MAP2: variants seen among roughly 807,000 people sequenced by gnomAD.
The protein encoded by MAP2 is microtubule associated protein 2.
Under a neutral mutation model 137.6 loss-of-function variants are expected in MAP2, and 14 were observed. That is an observed-to-expected ratio of 0.10 (90% CI 0.07 to 0.16). The LOEUF is 0.16. MAP2 is among the 10% of genes least tolerant of loss of function. The pLI, the probability that MAP2 is intolerant of heterozygous loss-of-function variation, is 1.00. For missense variants in MAP2, 2,088 were observed against 2,191.5 expected, an observed-to-expected ratio of 0.95 and a Z score of 0.94; for synonymous variants, 786 against 782.3, an observed-to-expected ratio of 1.00 and a Z score of -0.08.
intron 1 of MAP2, among the ~76,000 whole-genome samples, chr2:209,503,489 A>G (rs1347964260): frequency 2.6e-5 from 4 of 152,074 alleles, no homozygotes; most frequent in African/African-American, 4.8e-5. Flanking sequence ...GCCAAAGTCA[A>G]TGTCAAGAAG....
chr2:209,444,280 T>C (rs1698521020), intron 1 of MAP2, among the ~76,000 whole-genome samples: 1 of 151,636 alleles, frequency 6.6e-6, no homozygotes, highest in Non-Finnish European at 1.5e-5. Flanking sequence ...TGTGTCTCTC[T>C]AGTTCAGTAT....
At chr2:209,611,279 G>A (rs2086771844) in intron 3 of MAP2, among the ~76,000 whole-genome samples, 1 of 151,994 alleles carries the variant, frequency 6.6e-6, no homozygotes. Flanking sequence ...CAGACATTTG[G>A]AATCAGAATC....
chr2:209,531,900 C>G (rs544839311), intron 2 of MAP2, among the ~76,000 whole-genome samples: 2 of 152,110 alleles, frequency 1.3e-5, no homozygotes, highest in Admixed American at 6.5e-5. Context: ...TTCTAAAATA[C>G]TATAATATAA....
chr2:209,676,585 C>T (rs891585357), intron 5 of MAP2, among the ~76,000 whole-genome samples: 2 of 151,006 alleles, frequency 1.3e-5, no homozygotes, highest in African/African-American at 4.9e-5. Context: ...CTTGGGAAAC[C>T]TTATATAGTG....
At chr2:209,596,516 A>C (rs767309147) in intron 3 of MAP2, among the ~76,000 whole-genome samples, 1 of 152,238 alleles carries the variant, frequency 6.6e-6, no homozygotes, top group African/African-American at 2.4e-5. Context: ...GACATACTTT[A>C]AATTCAAGGC....
In MAP2 at chr2:209,730,415, T is replaced by C; in HGVS notation, c.*18T>C. 1.3e-6 allele frequency: 2 copies of C among 1,586,936 alleles called. No individual in the cohort carries two copies. The highest frequency in any genetic ancestry group is 8.6e-7 in the Non-Finnish European group (1 of 1,156,640). On this transcript the variant is annotated 3_prime_UTR_variant, in exon 16 of 16. Transcript: ENST00000682079. ...GCTTGTGAATATTTCTCATTTAGCA[T>C]TGAAATAATAATATTTAGGCATGAG...
At chr2:209,653,030 C>G in intron 4 of MAP2, 112 bp from the exon 5 acceptor site, 1 of 724,124 alleles carries the variant, frequency 1.4e-6, no homozygotes, top group Non-Finnish European at 2.2e-6. Flanking sequence ...TACATGTTTT[C>G]TTTGACCATA....
chr2:209,586,692 T>C (rs1579283467), intron 3 of MAP2, among the ~76,000 whole-genome samples: 1 of 152,152 alleles, frequency 6.6e-6, no homozygotes, highest in Non-Finnish European at 1.5e-5. Context: ...GGGATCTTAC[T>C]AAAATGCAGA....
intron 1 of MAP2, among the ~76,000 whole-genome samples, chr2:209,468,781 A>G (rs1704871551): frequency 6.6e-6 from 1 of 152,122 alleles, no homozygotes; most frequent in Non-Finnish European, 1.5e-5. Flanking sequence ...TACAGATTGC[A>G]TCTAATTAAA....
At chr2:209,721,398 G>A (rs1294358897) in intron 13 of MAP2, among the ~76,000 whole-genome samples, 1 of 152,184 alleles carries the variant, frequency 6.6e-6, no homozygotes, top group Non-Finnish European at 1.5e-5. Context: ...TGAAAGGATA[G>A]GATTGCTTCA....
intron 1 of MAP2, among the ~76,000 whole-genome samples, chr2:209,473,697 G>T (rs1378461401): frequency 1.3e-5 from 2 of 152,000 alleles, no homozygotes; most frequent in Non-Finnish European, 2.9e-5. Flanking sequence ...TATTAATAGA[G>T]ATCTCTGAAG....
At chr2:209,651,347 G>A (rs6717554) in intron 4 of MAP2, among the ~76,000 whole-genome samples, 27,722 of 151,978 alleles carry the variant, frequency 0.18, 3,570 homozygotes, top group African/African-American at 0.36. Flanking sequence ...ATCTGGGGAC[G>A]GATTTGCAAG....
chr2:209,556,676 A>G (rs2070748918), intron 2 of MAP2, among the ~76,000 whole-genome samples: 2 of 151,934 alleles, frequency 1.3e-5, no homozygotes, highest in African/African-American at 4.8e-5. Context: ...AAAAAAAAAA[A>G]AAAAAGGATT....
At chr2:209,541,032 T>A (rs1045463739) in intron 2 of MAP2, among the ~76,000 whole-genome samples, 1 of 151,112 alleles carries the variant, frequency 6.6e-6, no homozygotes, top group East Asian at 1.9e-4. Flanking sequence ...AAAATACTAA[T>A]GATTTTTTCG....
chr2:209,647,446 A>G (rs570227416), intron 4 of MAP2, among the ~76,000 whole-genome samples: 1 of 152,220 alleles, frequency 6.6e-6, no homozygotes. Flanking sequence ...ACATGTGTTA[A>G]AAAGACGAGA....
At chr2:209,457,077 A>G (rs1701704841) in intron 1 of MAP2, among the ~76,000 whole-genome samples, 1 of 152,168 alleles carries the variant, frequency 6.6e-6, no homozygotes, top group South Asian at 2.1e-4. Flanking sequence ...CACAGTTAAT[A>G]TTTAGTTAGT....
chr2:209,645,761 A>G (rs2094381118), intron 4 of MAP2, among the ~76,000 whole-genome samples: 1 of 152,220 alleles, frequency 6.6e-6, no homozygotes, highest in Non-Finnish European at 1.5e-5. Flanking sequence ...AACTTTCACA[A>G]TTATAAATAA....
intron 13 of MAP2, among the ~76,000 whole-genome samples, chr2:209,714,045 A>G (rs2066529388): frequency 6.6e-6 from 1 of 151,838 alleles, no homozygotes; most frequent in Non-Finnish European, 1.5e-5. Flanking sequence ...TACAAAAAAA[A>G]AAGAAAATAG....
chr2:209,697,879 C>T (rs1216867880), intron 10 of MAP2, among the ~76,000 whole-genome samples: 7 of 152,130 alleles, frequency 4.6e-5, no homozygotes, highest in Admixed American at 1.3e-4. Flanking sequence ...GACGGAATCT[C>T]GCTCTGTCGC....
Sources: gnomAD v4.1 joint callset for allele counts (sites outside exome capture counted in the v4.1 genomes callset) on GRCh38, gnomAD v4.1.1 for gene constraint, MANE v1.5 for transcripts, NCBI Gene and HGNC (gene_info 2026-07-23, HGNC 2026-07-21) for gene names.